The following TM9SF4 variants were observed in gnomAD, a reference collection of about 807,000 sequenced individuals.
The protein encoded by TM9SF4 is dinucleotide oxidase disulfide thiol exchanger 3 superfamily member 4.
Under a neutral mutation model 90.4 loss-of-function variants are expected in TM9SF4, and 26 were observed. That is an observed-to-expected ratio of 0.29 (90% confidence interval 0.21 to 0.40). The LOEUF is 0.40. Ranked by LOEUF, TM9SF4 falls within the 10% of genes least tolerant of loss-of-function variation. TM9SF4 has a pLI of 1.00. For missense variants in TM9SF4, 549 were observed against 834.8 expected, an observed-to-expected ratio of 0.66 and a Z score of 4.22; for synonymous variants, 293 against 315.4, an observed-to-expected ratio of 0.93 and a Z score of 0.75.
At position 32,141,761 on chromosome 20, in the gene TM9SF4, TC is replaced by T; in HGVS notation, c.399-3del. Reference sequence around the variant, plus strand: ...GAGGGACTGAGTGGGGCCTTCACTTTCCAGCATTGCTGACAACCTGCCTGTG... The same window carrying T: ...GAGGGACTGAGTGGGGCCTTCACTTTCAGCATTGCTGACAACCTGCCTGTG... On this transcript the variant is annotated splice_polypyrimidine_tract_variant and splice_region_variant and intron_variant, in intron 4 of 17. Transcript: ENST00000398022. 1 of 1,614,054 alleles carries T rather than the reference TC, an allele frequency of 6.2e-7. No individual in the cohort carries two copies. Among genetic ancestry groups the T allele is most frequent in the Non-Finnish European group, 8.5e-7 (1 of 1,179,978 alleles).
rs1600348054 is a variant in TM9SF4, at chr20:32,161,271, C to T, written c.1690-5C>T. 1 of 1,613,574 alleles carries T rather than the reference C, an allele frequency of 6.2e-7. No individual in the cohort carries two copies. Among genetic ancestry groups the T allele is most frequent in the Non-Finnish European group, 8.5e-7 (1 of 1,179,900 alleles). ...AACACTGACCTTCCTCTGTTTCCTCCTCAGGATTACCGCTGGTGGTGGAGA... is the reference window on the plus strand; with the variant it reads ...AACACTGACCTTCCTCTGTTTCCTCTTCAGGATTACCGCTGGTGGTGGAGA... On this transcript the variant is annotated splice_polypyrimidine_tract_variant and splice_region_variant and intron_variant, in intron 16 of 17. Transcript: ENST00000398022.
chr20:32,150,870 T>A lies in TM9SF4; in HGVS notation c.1240T>A (p.Phe414Ile). ...LKGHRWKKGA[F>I]CTATLYPGVV... Reference sequence around the variant, plus strand: ...AGGCCATCGGTGGAAGAAAGGAGCCTTCTGTGTGAGTGTCCTAAACCTTCT... The same window carrying A: ...AGGCCATCGGTGGAAGAAAGGAGCCATCTGTGTGAGTGTCCTAAACCTTCT... The change falls in exon 12 of 18, where the codon TTC becomes ATC. Residue 414 changes from phenylalanine to isoleucine, a missense_variant. By Grantham distance (21) the Phe-to-Ile change is conservative. Around this residue, in one of 2 missense-constraint regions of TM9SF4, gnomAD observed 495 missense variants for 711.7 expected, o/e 0.70. Transcript: ENST00000398022. 6.2e-7 allele frequency: 1 copy of A among 1,614,156 alleles called. No individual in the cohort carries two copies. Among genetic ancestry groups the A allele is most frequent in the Non-Finnish European group, 8.5e-7 (1 of 1,180,014 alleles).
intron 16 of TM9SF4, 66 bp downstream of exon 16, chr20:32,160,177 G>A (rs1294483075): frequency 6.2e-7 from 1 of 1,607,238 alleles, no homozygotes; most frequent in African/African-American, 1.3e-5. Context: ...GGGTTGATGA[G>A]GCTCTGCGGA....
At chr20:32,146,752 A>G (rs759824113) in intron 8 of TM9SF4, 33 bp from the exon 9 acceptor site, 7 of 1,611,684 alleles carry the variant, frequency 4.3e-6, no homozygotes, top group African/African-American at 1.3e-5. Context: ...GGCAGCGCCA[A>G]CTTCTCCTCA....
chr20:32,150,735 G>T, intron 11 of TM9SF4, 32 bp downstream of exon 11: 1 of 1,614,248 alleles, frequency 6.2e-7, no homozygotes, highest in Non-Finnish European at 8.5e-7. Context: ...CCCGGGGGCG[G>T]CACAGGCCTC....
At chr20:32,142,298 G>T (rs2046693225) in intron 5 of TM9SF4, among the ~76,000 whole-genome samples, 1 of 152,172 alleles carries the variant, frequency 6.6e-6, no homozygotes, top group Non-Finnish European at 1.5e-5. Flanking sequence ...AGCAGTGGCG[G>T]GGTAAATTAG....
chr20:32,113,420 A>G (rs1411455030), intron 1 of TM9SF4, among the ~76,000 whole-genome samples: 1 of 151,856 alleles, frequency 6.6e-6, no homozygotes, highest in African/African-American at 2.4e-5. Flanking sequence ...GATTTAGACT[A>G]CTCTGTAAAG....
intron 13 of TM9SF4, among the ~76,000 whole-genome samples, chr20:32,155,446 G>C (rs1340196421): frequency 1.3e-5 from 2 of 152,354 alleles, no homozygotes; most frequent in East Asian, 3.9e-4. Context: ...GGTTTCCACA[G>C]TCCAGCGGCC....
intron 16 of TM9SF4, among the ~76,000 whole-genome samples, chr20:32,160,732 C>T (rs2047002657): frequency 6.6e-6 from 1 of 152,074 alleles, no homozygotes; most frequent in African/African-American, 2.4e-5. Context: ...GGGCAGATCA[C>T]AAGGTCAGAA....
At chr20:32,144,898 C>CT (rs1319255771) in intron 6 of TM9SF4, among the ~76,000 whole-genome samples, 193 bp from the exon 7 acceptor site, 5 of 152,092 alleles carry the variant, frequency 3.3e-5, no homozygotes, top group Admixed American at 2.6e-4. Context: ...GGGCAAAACT[C>CT]TATCTCTAAA....
chr20:32,151,496 A>G lies in TM9SF4; in HGVS notation c.1245+621A>G, dbSNP rs145622980. Among the ~76,000 whole-genome samples the G allele has an allele frequency of 9.5e-3, 1,451 of 152,242 alleles. 12 individuals are homozygous for G. Among genetic ancestry groups the G allele is most frequent in the Non-Finnish European group, 0.016 (1,065 of 67,998 alleles). On this transcript the variant is annotated intron_variant, in intron 12 of 17. Coordinates refer to ENST00000398022, the MANE Select transcript of TM9SF4 (RefSeq NM_014742.4). Reference sequence around the variant, plus strand: ...ACTCTTGGGTGCCCACACTCAGAGAAGTCTCTGGGCCCAGGATTCTGAAGC... The same window carrying G: ...ACTCTTGGGTGCCCACACTCAGAGAGGTCTCTGGGCCCAGGATTCTGAAGC...
chr20:32,144,172 C>T (rs187749299), intron 6 of TM9SF4, among the ~76,000 whole-genome samples: 23 of 152,284 alleles, frequency 1.5e-4, no homozygotes, highest in Admixed American at 6.5e-4. Flanking sequence ...TCTCAAACTC[C>T]GGACCTCGTG....
At chr20:32,132,907 A>T in intron 1 of TM9SF4, 106 bp from the exon 2 acceptor site, 1 of 946,818 alleles carries the variant, frequency 1.1e-6, no homozygotes, top group Non-Finnish European at 1.6e-6. Flanking sequence ...GAGGGTGGCT[A>T]CACTGGGTCA....
At chr20:32,134,099 G>T (rs948753344) in intron 2 of TM9SF4, among the ~76,000 whole-genome samples, 16 of 151,704 alleles carry the variant, frequency 1.1e-4, no homozygotes, top group African/African-American at 3.9e-4. Context: ...TCGGGCATGA[G>T]CCACCACACC....
chr20:32,131,944 G>C (rs1380865303), intron 1 of TM9SF4, among the ~76,000 whole-genome samples: 2 of 152,148 alleles, frequency 1.3e-5, no homozygotes, highest in Non-Finnish European at 2.9e-5. Flanking sequence ...CATGCAATAC[G>C]CAAATAAACA....
In TM9SF4 at chr20:32,167,236, A is replaced by G. The variant is rs1030041710; in HGVS notation, c.*1792A>G. On this transcript the variant is annotated 3_prime_UTR_variant, in exon 18 of 18. Transcript: ENST00000398022. ...ATGCCTTTTTTTGGTCGGATTGTAA[A>G]TAAATATACCATTGTCCTACTGTTT... The G allele has an allele frequency of 6.6e-6, 1 of 152,134 alleles. No homozygotes were observed. Among genetic ancestry groups the G allele is most frequent in the Non-Finnish European group, 1.5e-5 (1 of 68,032 alleles). The allele number at this position is 152,134 out of a possible 1,614,324, so 9.4% of individuals were successfully genotyped here. A position where few individuals can be genotyped will look rare whatever the true frequency, so the allele number is the denominator to read the frequency against.
intron 1 of TM9SF4, among the ~76,000 whole-genome samples, chr20:32,115,752 A>T (rs1279222835): frequency 6.7e-6 from 1 of 148,470 alleles, no homozygotes; most frequent in Non-Finnish European, 1.5e-5. Context: ...TTAAGCCTCA[A>T]TTACCTTATA....
At chr20:32,136,379 T>C (rs1461575494) in intron 3 of TM9SF4, among the ~76,000 whole-genome samples, 2 of 152,208 alleles carry the variant, frequency 1.3e-5, no homozygotes, top group African/African-American at 2.4e-5. Flanking sequence ...TGACTTGTCT[T>C]TGTTTATACT....
Position 32,149,622 on chromosome 20 carries a change from C to T in TM9SF4, c.955-12C>T. 1 of 1,614,192 alleles carries T rather than the reference C, an allele frequency of 6.2e-7. No homozygotes were observed. The highest frequency in any genetic ancestry group is 2.2e-5 in the East Asian group (1 of 44,888). ...CTTCAACAACCAGCCTCACTCTGGC[C>T]CTTCGCTGCAGGAAGACACCATGGA... On this transcript the variant is annotated splice_polypyrimidine_tract_variant and intron_variant, in intron 9 of 17. Transcript: ENST00000398022.
Sources: gnomAD v4.1 joint callset for allele counts (sites outside exome capture counted in the v4.1 genomes callset) on GRCh38, gnomAD v4.1.1 for gene constraint, gnomAD v4.1.1 regional missense constraint, MANE v1.5 for transcripts, NCBI Gene and HGNC (gene_info 2026-07-23, HGNC 2026-07-21) for gene names.